The following RNMT variants were observed in gnomAD, a reference collection of about 807,000 sequenced individuals.
RNMT encodes the protein RNA guanine-7 methyltransferase, also known as mRNA cap guanine-N(7) methyltransferase.
RNMT carries 27 observed loss-of-function variants against 56.0 expected under a neutral mutation model. That is an observed-to-expected ratio of 0.48 (90% confidence interval 0.36 to 0.67). The LOEUF is 0.67. Ranked by LOEUF, RNMT falls within the 30% of genes least tolerant of loss-of-function variation. RNMT has a pLI of 0.00. For missense variants in RNMT, 519 were observed against 552.1 expected, an observed-to-expected ratio of 0.94 and a Z score of 0.60; for synonymous variants, 184 against 176.2, an observed-to-expected ratio of 1.04 and a Z score of -0.35.
At chr18:13,744,248 A>G (rs1327004629) in intron 8 of RNMT, among the ~76,000 whole-genome samples, 1 of 142,418 alleles carries the variant, frequency 7.0e-6, no homozygotes, top group Non-Finnish European at 1.5e-5. Flanking sequence ...TTTTTAAAAG[A>G]TTATTTATTG....
At chr18:13,742,290 ACAC>A (rs1231916681) in intron 7 of RNMT, among the ~76,000 whole-genome samples, 195 bp from the exon 8 acceptor site, 1 of 151,690 alleles carries the variant, frequency 6.6e-6, no homozygotes, top group Non-Finnish European at 1.5e-5. Flanking sequence ...AGCTATGATC[ACAC>A]CACCACACTC....
chr18:13,728,275 C>T (rs2043998914), intron 1 of RNMT, among the ~76,000 whole-genome samples: 1 of 146,252 alleles, frequency 6.8e-6, no homozygotes, highest in African/African-American at 2.5e-5. Context: ...TCCCCCTTTT[C>T]TGCATCCTGC....
chr18:13,742,786 T>C, intron 8 of RNMT, 134 bp downstream of exon 8: 1 of 689,398 alleles, frequency 1.5e-6, no homozygotes. Context: ...TTTTTGTTTT[T>C]GTGTTTTTAA....
At position 13,762,673 on chromosome 18, in the gene RNMT, G is replaced by A. The variant is rs951519684; in HGVS notation, c.*2694G>A. On this transcript the variant is annotated 3_prime_UTR_variant, in exon 12 of 12. Coordinates refer to ENST00000383314, the MANE Select transcript of RNMT (RefSeq NM_003799.3). ...CGCTCTCTGACTTCACATGTTAATA[G>A]AGGATCAGAGCAGAGTTGGGAGTAT... 11 of 208,102 alleles carry A rather than the reference G, an allele frequency of 5.3e-5. No individual in the cohort carries two copies. Among genetic ancestry groups the A allele is most frequent in the African/African-American group, 2.5e-4 (11 of 43,314 alleles). 12.9% of individuals were successfully genotyped at this position (208,102 alleles called of 1,614,324 possible).
chr18:13,733,140 AAC>A (rs1405708988), intron 3 of RNMT, among the ~76,000 whole-genome samples: 1 of 152,020 alleles, frequency 6.6e-6, no homozygotes, highest in Non-Finnish European at 1.5e-5. Context: ...CTTACACTTA[AAC>A]CTGTTACGTA....
chr18:13,735,929 C>T (rs986340630), intron 4 of RNMT, among the ~76,000 whole-genome samples: 1 of 152,120 alleles, frequency 6.6e-6, no homozygotes, highest in African/African-American at 2.4e-5. Flanking sequence ...CCTTTCTCAA[C>T]ACTCATTCTT....
At chr18:13,737,716 T>C (rs755351013) in intron 5 of RNMT, among the ~76,000 whole-genome samples, 10 of 147,976 alleles carry the variant, frequency 6.8e-5, no homozygotes, top group Non-Finnish European at 1.1e-4. Flanking sequence ...ATTTTAACAT[T>C]AAAAAAAAAA....
intron 5 of RNMT, 139 bp downstream of exon 5, chr18:13,737,274 G>A (rs1364221679): frequency 1.3e-6 from 1 of 747,896 alleles, no homozygotes; most frequent in Non-Finnish European, 2.1e-6. Flanking sequence ...CTGACGCGGT[G>A]GCTCATGCCT....
chr18:13,739,241 A>C (rs919052677), intron 5 of RNMT, among the ~76,000 whole-genome samples: 1 of 152,192 alleles, frequency 6.6e-6, no homozygotes, highest in African/African-American at 2.4e-5. Flanking sequence ...AGGTAGCAGA[A>C]ATGTTTTGTT....
At chr18:13,758,080 TACTC>T (rs2044572161) in intron 11 of RNMT, among the ~76,000 whole-genome samples, 2 of 152,218 alleles carry the variant, frequency 1.3e-5, no homozygotes, top group Admixed American at 6.5e-5. Context: ...GGGCCTAAAA[TACTC>T]AGTAAACCGT....
In RNMT at chr18:13,734,570, TTAA is replaced by T. The variant is rs1418981822; in HGVS notation, c.529_531del (p.Asn177del). ...AGTCGTATTTTTTACCTAAGAAACT[TTAA>T]TAATTGGATGAAAAGTGTTCTCATT... On this transcript the variant is annotated inframe_deletion, in exon 4 of 12. Transcript: ENST00000383314. 6.2e-7 allele frequency: 1 copy of T among 1,613,262 alleles called. No individual in the cohort carries two copies.
chr18:13,741,384 T>C, intron 6 of RNMT, 126 bp from the exon 7 acceptor site: 1 of 603,266 alleles, frequency 1.7e-6, no homozygotes, highest in South Asian at 2.4e-5. Flanking sequence ...TGTGTGTCCT[T>C]TATTGTACAA....
intron 1 of RNMT, 81 bp downstream of exon 1, chr18:13,726,810 T>C (rs1213625532): frequency 2.0e-5 from 3 of 152,422 alleles, no homozygotes; most frequent in Non-Finnish European, 4.4e-5. Context: ...GAACTGGCAC[T>C]CCCACCCCTG....
At chr18:13,744,954 G>A (rs150093704) in intron 8 of RNMT, among the ~76,000 whole-genome samples, 1,797 of 152,274 alleles carry the variant, frequency 0.012, 17 homozygotes, top group South Asian at 0.026. Flanking sequence ...ATTTAAGGAA[G>A]GTGCCTGTAA....
intron 11 of RNMT, among the ~76,000 whole-genome samples, chr18:13,755,079 G>C (rs555054605): frequency 6.6e-6 from 1 of 152,236 alleles, no homozygotes; most frequent in South Asian, 2.1e-4. Flanking sequence ...AGGCACAAGT[G>C]GTCATTAAGG....
intron 8 of RNMT, chr18:13,742,973 T>A (rs978294308): frequency 2.5e-5 from 4 of 161,606 alleles, no homozygotes; most frequent in African/African-American, 9.9e-5. Context: ...TAGCAAAAGT[T>A]TTTTTTTTTT....
chr18:13,731,539 G>A lies in RNMT; in HGVS notation c.22G>A (p.Glu8Lys). 6.3e-7 allele frequency: 1 copy of A among 1,594,550 alleles called. No individual in the cohort carries two copies. The highest frequency in any genetic ancestry group is 8.5e-7 in the Non-Finnish European group (1 of 1,172,664). MANSAKA[E>K]EYEKMSLEQA... ...ATAAATGGCAAATTCTGCAAAAGCA[G>A]AAGAATATGAAAAGATGTCTCTTGA... The change falls in exon 3 of 12, where the codon GAA (glutamate) becomes AAA (lysine). Residue 8 changes from glutamate (E) to lysine (K), a missense_variant. Glu to Lys is a moderately conservative substitution (Grantham distance 56). Transcript: ENST00000383314.
Position 13,762,877 on chromosome 18 carries a change from C to CTA in RNMT, c.*2899_*2900dup. The CTA allele has an allele frequency of 3.2e-6, 1 of 315,826 alleles. No individual in the cohort carries two copies. Among genetic ancestry groups the CTA allele is most frequent in the Non-Finnish European group, 6.4e-6 (1 of 156,786 alleles). 19.6% of individuals were successfully genotyped at this position (315,826 alleles called of 1,614,324 possible). ...AAGTATCTTTGTAATGAAGGTTTGG[C>CTA]TACTTGTATAGGTCTGCCTGCAGGG... On this transcript the variant is annotated 3_prime_UTR_variant, in exon 12 of 12. Coordinates refer to ENST00000383314, the MANE Select transcript of RNMT (RefSeq NM_003799.3).
At chr18:13,749,817 TC>T (rs1232293598) in intron 9 of RNMT, among the ~76,000 whole-genome samples, 2 of 135,058 alleles carry the variant, frequency 1.5e-5, no homozygotes, top group South Asian at 2.8e-4. Flanking sequence ...TGCAACCCCT[TC>T]CCCCCGACCC....
Sources: allele counts gnomAD v4.1 joint callset (sites outside exome capture counted in the v4.1 genomes callset), GRCh38; gene constraint gnomAD v4.1.1; transcripts MANE v1.5; gene names NCBI Gene and HGNC (gene_info 2026-07-23, HGNC 2026-07-21).